TBL3: variants seen among roughly 807,000 people sequenced by gnomAD.
TBL3 encodes transducin beta-like protein 3.
In TBL3, 71 loss-of-function variants were observed where a neutral mutation model predicts 102.7. The ratio of observed to expected loss-of-function variants is 0.69; its 90% CI spans 0.57 to 0.84. TBL3 has a LOEUF of 0.84. Among genes scored for constraint, TBL3 ranks in the 40% least tolerant of loss-of-function variants. TBL3 has a pLI of 0.00. For missense variants in TBL3, 1,188 were observed against 1,098.5 expected (o/e 1.08, Z -1.15); for synonymous variants, 578 against 477.7 (o/e 1.21, Z -2.74).
chr16:1,975,863 C>G lies in TBL3; in HGVS notation c.1043C>G (p.Ser348Cys), dbSNP rs762113514. 6.2e-7 allele frequency: 1 copy of G among 1,614,164 alleles called. No individual in the cohort carries two copies. Among genetic ancestry groups the G allele is most frequent in the Admixed American group, 1.7e-5 (1 of 60,030 alleles). The part of the protein sequence containing the change: ...LDVRFLGPED[S>C]HVVVASNSPC... ...GTCCGGTTTCTTGGGCCCGAGGACT[C>G]CCACGTTGTCGTGGCCTCCAATAGC... Residue 348 changes from serine to cysteine, a missense_variant, in exon 11 of 22, where the codon TCC (serine) becomes TGC (cysteine). Coordinates refer to ENST00000568546, the MANE Select transcript of TBL3 (RefSeq NM_006453.3).
chr16:1,979,418 C>G lies in TBL3; in HGVS notation c.*733C>G, dbSNP rs776669047. The stretch of plus-strand genomic sequence containing the variant: ...AGCCTGCCCTGCCCACGCCCGCTCC[C>G]GCGTACCTGCATAGCCACCAGCCGC... On this transcript the variant is annotated 3_prime_UTR_variant, in exon 22 of 22. Transcript: ENST00000568546. The G allele has an allele frequency of 6.2e-7, 1 of 1,606,304 alleles. No individual in the cohort carries two copies. Among genetic ancestry groups the G allele is most frequent in the African/African-American group, 1.3e-5 (1 of 74,976 alleles).
At chr16:1,974,152 CG>C (rs759212096) in intron 2 of TBL3, 44 bp from the exon 3 acceptor site, 20 of 1,564,188 alleles carry the variant, frequency 1.3e-5, no homozygotes, top group East Asian at 9.1e-5. Flanking sequence ...CCAGAGGCCG[CG>C]GGGGGTGCTG....
Position 1,979,325 on chromosome 16 carries a change from G to A in TBL3, c.*640G>A, listed in dbSNP as rs771600793. The A allele has an allele frequency of 6.3e-7, 1 of 1,575,006 alleles. No homozygotes were observed. Among genetic ancestry groups the A allele is most frequent in the Non-Finnish European group, 8.6e-7 (1 of 1,167,890 alleles). On this transcript the variant is annotated 3_prime_UTR_variant, in exon 22 of 22. Coordinates refer to ENST00000568546, the MANE Select transcript of TBL3 (RefSeq NM_006453.3). Reference sequence around the variant, plus strand: ...CTTCCGGCCGCAGCAGCACCGCGGGGAGTAGGCCCGCCCGGTCGCCGTACC... The same window carrying A: ...CTTCCGGCCGCAGCAGCACCGCGGGAAGTAGGCCCGCCCGGTCGCCGTACC...
chr16:1,981,027 A>AC lies in TBL3; in HGVS notation c.*2343dup. 6.2e-7 allele frequency: 1 copy of AC among 1,613,222 alleles called. No homozygotes were observed. Among genetic ancestry groups the AC allele is most frequent in the East Asian group, 2.2e-5 (1 of 44,872 alleles). ...CACAGAGAAGGCAAACGTCTGGGGG[A>AC]CAAAAAGTTGGGAGTGCCGTGGAGG... On this transcript the variant is annotated 3_prime_UTR_variant, in exon 22 of 22. Transcript: ENST00000568546.
At position 1,975,406 on chromosome 16, in the gene TBL3, C is replaced by T. The variant is rs141126567; in HGVS notation, c.773C>T (p.Pro258Leu). 2.5e-6 allele frequency: 4 copies of T among 1,613,848 alleles called. No homozygotes were observed. Among genetic ancestry groups the T allele is most frequent in the Non-Finnish European group, 3.4e-6 (4 of 1,179,998 alleles). ...GTGTCCCAGCTGGGTGTGAAGTCCC[C>T]AGGGCTGTACTTTCTGACAGCTGGC... Reference protein sequence around the residue: ...EPVSQLGVKSPGLYFLTAGDQ... With the variant: ...EPVSQLGVKSLGLYFLTAGDQ... The change falls in exon 9 of 22, where the codon CCA becomes CTA. Residue 258 changes from proline to leucine, a missense_variant. By Grantham distance (98) the Pro-to-Leu change is moderately conservative. Coordinates refer to ENST00000568546, the MANE Select transcript of TBL3 (RefSeq NM_006453.3).
chr16:1,980,021 C>T lies in TBL3; in HGVS notation c.*1336C>T, dbSNP rs140080780. On this transcript the variant is annotated 3_prime_UTR_variant, in exon 22 of 22. Transcript: ENST00000568546. Reference sequence around the variant, plus strand: ...CCTGAGGGGTGCCGCAGCAGCACGTCCAGGCTCTCCTGGGCCTGCGCCTGA... The same window carrying T: ...CCTGAGGGGTGCCGCAGCAGCACGTTCAGGCTCTCCTGGGCCTGCGCCTGA... 1.9e-6 allele frequency: 3 copies of T among 1,606,222 alleles called. No individual in the cohort carries two copies. The highest frequency in any genetic ancestry group is 1.3e-5 in the African/African-American group (1 of 75,008).
chr16:1,975,991 G>T lies in TBL3; in HGVS notation c.1129+42G>T, dbSNP rs373249330. On this transcript the variant is annotated intron_variant, in intron 11 of 21. Transcript: ENST00000568546. ...CACCTGACACCCTGGGAGCCGCCTC[G>T]GTCCCTTGCTTGCTTCCCTTCCCCC... 8.7e-6 allele frequency: 14 copies of T among 1,614,062 alleles called. No homozygotes were observed. The South Asian group carries it at 1.5e-4, about 18-fold the overall frequency.
rs1158578322 is a variant in TBL3, at chr16:1,981,459, C to T, written c.*2774C>T. The T allele has an allele frequency of 1.8e-5, 12 of 678,330 alleles. No homozygotes were observed. Among genetic ancestry groups the T allele is most frequent in the East Asian group, 9.4e-5 (3 of 31,908 alleles). The allele number at this position is 678,330 out of a possible 1,614,324, so 42.0% of individuals were successfully genotyped here. A position where few individuals can be genotyped will look rare whatever the true frequency, so the allele number is the denominator to read the frequency against. On this transcript the variant is annotated 3_prime_UTR_variant, in exon 22 of 22. Coordinates refer to ENST00000568546, the MANE Select transcript of TBL3 (RefSeq NM_006453.3). The stretch of plus-strand genomic sequence containing the variant: ...AGAATGAGCTTTCCAGCCCTGGAGG[C>T]GTGCAAGACTGAAGAAGGGGCGAAG...
chr16:1,977,483 G>A (rs201971867), intron 16 of TBL3, 31 bp from the exon 17 acceptor site: 1 of 1,608,996 alleles, frequency 6.2e-7, no homozygotes, highest in East Asian at 2.2e-5. Flanking sequence ...GGACCTGCCT[G>A]ACGCTGAGCC....
Position 1,977,652 on chromosome 16 carries a change from C to T in TBL3, c.1881C>T (p.Ser627=), listed in dbSNP as rs1343235401. 2.6e-6 allele frequency: 4 copies of T among 1,551,676 alleles called. No homozygotes were observed. The highest frequency in any genetic ancestry group is 2.4e-5 in the East Asian group (1 of 40,966). The change falls in exon 17 of 22, where the codon TCC becomes TCT. Residue 627 remains serine (S), a synonymous_variant. Coordinates refer to ENST00000568546, the MANE Select transcript of TBL3 (RefSeq NM_006453.3). ...DDHALTGASD[S]RVILWKDVTE... ...ACGCCCTCACTGGGGCCAGTGACTC[C>T]CGAGTCATCCTCTGGAAGGTTGTGG... is the stretch of plus-strand genomic sequence containing the variant.
chr16:1,980,234 C>G lies in TBL3; in HGVS notation c.*1549C>G, dbSNP rs531378694. On this transcript the variant is annotated 3_prime_UTR_variant, in exon 22 of 22. Transcript: ENST00000568546. Reference sequence around the variant, plus strand: ...AGGTAGGCGGATGGGGAGGGTGAAACTGGGGGCGCCACCCCGGCAAGACCG... The same window carrying G: ...AGGTAGGCGGATGGGGAGGGTGAAAGTGGGGGCGCCACCCCGGCAAGACCG... The G allele has an allele frequency of 6.5e-7, 1 of 1,540,682 alleles. No homozygotes were observed. Among genetic ancestry groups the G allele is most frequent in the African/African-American group, 1.4e-5 (1 of 73,956 alleles).
chr16:1,979,147 T>TGCA lies in TBL3; in HGVS notation c.*468_*470dup. 1 of 1,466,242 alleles carries TGCA rather than the reference T, an allele frequency of 6.8e-7. No homozygotes were observed. The highest frequency in any genetic ancestry group is 8.9e-7 in the Non-Finnish European group (1 of 1,119,914). The allele number at this position is 1,466,242 out of a possible 1,614,324, so 90.8% of individuals were successfully genotyped here. A position where few individuals can be genotyped will look rare whatever the true frequency, so the allele number is the denominator to read the frequency against. On this transcript the variant is annotated 3_prime_UTR_variant, in exon 22 of 22. Transcript: ENST00000568546. ...CGCTCCAGGGCCCTGCGTGTGACGGTGCAGCAGCGGCTCTGGATGGCGCCC... is the reference window on the plus strand; with the variant it reads ...CGCTCCAGGGCCCTGCGTGTGACGGTGCAGCAGCAGCGGCTCTGGATGGCGCCC...
rs749279481 is a variant in TBL3 at position 1,978,187 on chromosome 16, G to A, written c.2101G>A (p.Ala701Thr). 7 of 1,612,796 alleles carry A rather than the reference G, an allele frequency of 4.3e-6. No homozygotes were observed. Among genetic ancestry groups the A allele is most frequent in the Non-Finnish European group, 5.9e-6 (7 of 1,179,912 alleles). ...RDPEACEKLE[A>T]TMLRLRRDQK... ...CCCTGAGGCCTGCGAGAAGCTGGAA[G>A]CCACCATGCTCCGACTGCGGCGCGA... The change falls in exon 20 of 22, where the codon GCC (alanine) becomes ACC (threonine). Residue 701 changes from alanine (A) to threonine (T), a missense_variant. Transcript: ENST00000568546.
chr16:1,977,116 C>A lies in TBL3; in HGVS notation c.1503C>A (p.Arg501=). ...TGCTGGCCACAGGCTCACAGGACCGCACGGCCAAGCTCTGGGCCCTGCCAC... is the reference window on the plus strand; with the variant it reads ...TGCTGGCCACAGGCTCACAGGACCGAACGGCCAAGCTCTGGGCCCTGCCAC... ...DKLLATGSQD[R]TAKLWALPQC... Residue 501 remains arginine, a synonymous_variant, in exon 15 of 22, where the codon CGC becomes CGA. Transcript: ENST00000568546. The A allele has an allele frequency of 6.2e-7, 1 of 1,613,106 alleles. No homozygotes were observed. The highest frequency in any genetic ancestry group is 8.5e-7 in the Non-Finnish European group (1 of 1,180,006).
chr16:1,982,531 C>G lies in TBL3; in HGVS notation c.*3846C>G, dbSNP rs1156667146. On this transcript the variant is annotated 3_prime_UTR_variant, in exon 22 of 22. Coordinates refer to ENST00000568546, the MANE Select transcript of TBL3 (RefSeq NM_006453.3). Reference sequence around the variant, plus strand: ...CAGCTCCTGCCCCACACCCCATCAGCCCTGCATGGTTTCCACTTTTTCCTC... The same window carrying G: ...CAGCTCCTGCCCCACACCCCATCAGGCCTGCATGGTTTCCACTTTTTCCTC... The G allele has an allele frequency of 6.6e-6, 1 of 152,336 alleles. No homozygotes were observed. The highest frequency in any genetic ancestry group is 2.4e-5 in the African/African-American group (1 of 41,424). The allele number at this position is 152,336 out of a possible 1,614,324, so 9.4% of individuals were successfully genotyped here. A position where few individuals can be genotyped will look rare whatever the true frequency, so the allele number is the denominator to read the frequency against.
At chr16:1,974,484 G>A (rs1322880270) in intron 4 of TBL3, 54 bp from the exon 5 acceptor site, 1 of 1,587,334 alleles carries the variant, frequency 6.3e-7, no homozygotes, top group African/African-American at 1.3e-5. Flanking sequence ...ACTGAGTCCA[G>A]GAAGATGTGA....
At position 1,980,028 on chromosome 16, in the gene TBL3, C is replaced by T. The variant is rs34358073; in HGVS notation, c.*1343C>T. 10,206 of 1,606,598 alleles carry T rather than the reference C, an allele frequency of 6.4e-3. 575 individuals carry two copies. The African/African-American group carries it at 0.12, about 19-fold the overall frequency. On this transcript the variant is annotated 3_prime_UTR_variant, in exon 22 of 22. Coordinates refer to ENST00000568546, the MANE Select transcript of TBL3 (RefSeq NM_006453.3). ...GGTGCCGCAGCAGCACGTCCAGGCT[C>T]TCCTGGGCCTGCGCCTGAAAAGGCC... is the stretch of plus-strand genomic sequence containing the variant.
chr16:1,974,070 G>C lies in TBL3; in HGVS notation c.56G>C (p.Arg19Pro), dbSNP rs149868245. 6.3e-7 allele frequency: 1 copy of C among 1,578,502 alleles called. No individual in the cohort carries two copies. The highest frequency in any genetic ancestry group is 8.6e-7 in the Non-Finnish European group (1 of 1,156,660). ...GRFKTNYAVERKIEPFYKGGK... is the reference protein window; with the variant it reads ...GRFKTNYAVEPKIEPFYKGGK... ...TCTCCTTCCAGCTATGCTGTGGAGC[G>C]CAAAATTGAGCCTTTCTACAAGGGC... Residue 19 changes from arginine (R) to proline (P), a missense_variant, in exon 2 of 22, where the codon CGC (arginine) becomes CCC (proline). By Grantham distance (103) the Arg-to-Pro change is moderately radical. Coordinates refer to ENST00000568546, the MANE Select transcript of TBL3 (RefSeq NM_006453.3).
In TBL3 at chr16:1,980,915, TCAGGGTGGCC is replaced by T; in HGVS notation, c.*2237_*2246del. On this transcript the variant is annotated 3_prime_UTR_variant, in exon 22 of 22. Coordinates refer to ENST00000568546, the MANE Select transcript of TBL3 (RefSeq NM_006453.3). ...GCGTGGGGAAGCCGCCACCGCGGCA[TCAGGGTGGCC>T]CAGGGTCACTCACCTTGAGCTGCCT... The T allele has an allele frequency of 6.2e-7, 1 of 1,604,248 alleles. No homozygotes were observed. The highest frequency in any genetic ancestry group is 8.5e-7 in the Non-Finnish European group (1 of 1,172,976).
Sources: allele counts gnomAD v4.1 joint callset, GRCh38; gene constraint gnomAD v4.1.1; transcripts MANE v1.5; gene names NCBI Gene and HGNC (gene_info 2026-07-23, HGNC 2026-07-21).